ZC3H13: variants seen among roughly 807,000 people sequenced by gnomAD.
ZC3H13 encodes zinc finger CCCH domain-containing protein 13.
ZC3H13 carries 64 observed loss-of-function variants against 204.1 expected under a neutral mutation model. The ratio of observed to expected loss-of-function variants is 0.31; its 90% confidence interval spans 0.26 to 0.39. ZC3H13 has a LOEUF of 0.39. Among genes scored for constraint, ZC3H13 ranks in the 10% least tolerant of loss-of-function variants. The pLI, the probability that ZC3H13 is intolerant of heterozygous loss-of-function variation, is 1.00. For missense variants in ZC3H13, 1,833 were observed against 2,082.7 expected, an observed-to-expected ratio of 0.88 and a Z score of 2.33; for synonymous variants, 667 against 693.7, an observed-to-expected ratio of 0.96 and a Z score of 0.60.
intron 4 of ZC3H13, among the ~76,000 whole-genome samples, chr13:46,041,437 GA>G (rs1042659864): frequency 3.9e-5 from 6 of 152,064 alleles, no homozygotes; most frequent in Non-Finnish European, 7.4e-5. Flanking sequence ...GGCGACTGCT[GA>G]AAAGTTTGGC....
intron 17 of ZC3H13, chr13:45,962,989 CA>C (rs1321577973): frequency 3.0e-6 from 3 of 985,412 alleles, no homozygotes; most frequent in Non-Finnish European, 3.6e-6. Context: ...AAAATTGCTG[CA>C]GTGAGGTCAA....
chr13:45,980,153 T>G, intron 10 of ZC3H13, 149 bp from the exon 11 acceptor site: 1 of 686,278 alleles, frequency 1.5e-6, no homozygotes. Flanking sequence ...TATCAAGCAA[T>G]GAATCAGAAC....
At chr13:46,047,219 G>C (rs2044030135) in intron 1 of ZC3H13, among the ~76,000 whole-genome samples, 1 of 152,080 alleles carries the variant, frequency 6.6e-6, no homozygotes, top group East Asian at 1.9e-4. Flanking sequence ...AAAAGATGGT[G>C]CATCAAGGAA....
In ZC3H13 at chr13:46,020,525, C is replaced by T; in HGVS notation, c.372G>A (p.Lys124=). The T allele has an allele frequency of 9.3e-6, 15 of 1,610,834 alleles. No individual in the cohort carries two copies. Among genetic ancestry groups the T allele is most frequent in the Non-Finnish European group, 1.3e-5 (15 of 1,178,626 alleles). Reference sequence around the variant, plus strand: ...TTTCCTTAGTGATTTTTATGTCTTCCTTTTCCCTATGTCTCCCTCTTGAAG... The same window carrying T: ...TTTCCTTAGTGATTTTTATGTCTTCTTTTTCCCTATGTCTCCCTCTTGAAG... The part of the protein sequence containing the change: ...KESSRGRHRE[K]EDIKITKERT... Residue 124 remains lysine, a synonymous_variant, in exon 5 of 19, where the codon AAG becomes AAA. Transcript: ENST00000679008.
At chr13:46,037,621 C>A (rs1025252567) in intron 4 of ZC3H13, among the ~76,000 whole-genome samples, 1 of 151,786 alleles carries the variant, frequency 6.6e-6, no homozygotes, top group Non-Finnish European at 1.5e-5. Flanking sequence ...GCAACTATTT[C>A]CTACTGACTA....
intron 5 of ZC3H13, among the ~76,000 whole-genome samples, chr13:46,018,102 A>T (rs1024604331): frequency 6.6e-6 from 1 of 152,172 alleles, no homozygotes; most frequent in African/African-American, 2.4e-5. Flanking sequence ...CTTGAACAGG[A>T]AGATACAAAA....
Position 46,011,410 on chromosome 13 carries a change from C to T in ZC3H13, c.588+5G>A, listed in dbSNP as rs759686589. ...CTAACATATTTATTGCAATAAATAG[C>T]ATACCTCCTTTTTAATGATAATTTC... On this transcript the variant is annotated splice_donor_5th_base_variant and intron_variant, in intron 6 of 18. Coordinates refer to ENST00000679008, the MANE Select transcript of ZC3H13 (RefSeq NM_001330564.2). The T allele has an allele frequency of 9.7e-5, 155 of 1,601,050 alleles. No individual in the cohort carries two copies. Among genetic ancestry groups the T allele is most frequent in the Non-Finnish European group, 1.2e-4 (145 of 1,175,440 alleles).
intron 9 of ZC3H13, among the ~76,000 whole-genome samples, chr13:45,988,334 T>G (rs1593555022): frequency 6.6e-6 from 1 of 152,174 alleles, no homozygotes; most frequent in Admixed American, 6.5e-5. Context: ...CTTGGCTCAC[T>G]GCAAGCTCCG....
At chr13:45,991,926 C>A (rs2039998368) in intron 8 of ZC3H13, among the ~76,000 whole-genome samples, 1 of 152,118 alleles carries the variant, frequency 6.6e-6, no homozygotes, top group Admixed American at 6.5e-5. Flanking sequence ...TAAAAACTCT[C>A]ATTCAAGATG....
In ZC3H13 at chr13:45,975,500, G is replaced by A; in HGVS notation, c.2251C>T (p.Arg751Ter). The A allele has an allele frequency of 6.2e-7, 1 of 1,607,190 alleles. No individual in the cohort carries two copies. Among genetic ancestry groups the A allele is most frequent in the Non-Finnish European group, 8.5e-7 (1 of 1,177,798 alleles). ...RERDREKERE[R>*]EREERERERE... is the part of the protein sequence containing the mutation. ...TCCCTCTCTCTCTCTTCTCTTTCTC[G>A]TTCCCGTTCTTTTTCCCTGTCTCGT... is the stretch of plus-strand genomic sequence containing the variant. The change falls in exon 12 of 19, where the codon CGA becomes TGA. Residue 751 changes from arginine to a stop codon, truncating the protein, a stop_gained. Coordinates refer to ENST00000679008, the MANE Select transcript of ZC3H13 (RefSeq NM_001330564.2). LOFTEE classifies it high-confidence loss of function.
intron 5 of ZC3H13, among the ~76,000 whole-genome samples, chr13:46,020,246 T>C (rs971393645): frequency 6.6e-5 from 10 of 152,096 alleles, no homozygotes; most frequent in Non-Finnish European, 1.2e-4. Flanking sequence ...AAAATAAAAA[T>C]ATGCAATGCA....
chr13:46,010,627 G>A (rs2138649654), intron 6 of ZC3H13, 122 bp from the exon 7 acceptor site: 1 of 1,002,304 alleles, frequency 1.0e-6, no homozygotes, highest in Non-Finnish European at 1.4e-6. Flanking sequence ...CGGGTGCAGT[G>A]GTTCACACCT....
intron 10 of ZC3H13, among the ~76,000 whole-genome samples, chr13:45,981,225 A>G (rs1250767867): frequency 6.6e-6 from 1 of 152,238 alleles, no homozygotes; most frequent in Non-Finnish European, 1.5e-5. Context: ...TACCATGGAT[A>G]AATCTTTGAC....
intron 17 of ZC3H13, chr13:45,962,246 GC>G: frequency 1.0e-6 from 1 of 985,290 alleles, no homozygotes. Context: ...CACCATAGCA[GC>G]AAAAATAGAA....
chr13:46,026,370 CCTA>C (rs1168977295), intron 4 of ZC3H13, among the ~76,000 whole-genome samples: 1 of 151,794 alleles, frequency 6.6e-6, no homozygotes, highest in Non-Finnish European at 1.5e-5. Flanking sequence ...GAGACAGAAA[CCTA>C]CTACTAAGAT....
At chr13:46,015,427 T>G (rs2138728053) in intron 5 of ZC3H13, among the ~76,000 whole-genome samples, 1 of 152,318 alleles carries the variant, frequency 6.6e-6, no homozygotes, top group Non-Finnish European at 1.5e-5. Context: ...AGTATTTTCT[T>G]TTACCATTTC....
intron 8 of ZC3H13, among the ~76,000 whole-genome samples, chr13:45,998,655 AAAAAT>A (rs1245965320): frequency 7.2e-5 from 11 of 152,264 alleles, no homozygotes; most frequent in Admixed American, 2.0e-4. Flanking sequence ...TCTCAAAAAA[AAAAAT>A]AAAAGTACAT....
At position 46,003,094 on chromosome 13, in the gene ZC3H13, A is replaced by G. The variant is rs764266656; in HGVS notation, c.944+45T>C. The G allele has an allele frequency of 3.8e-6, 6 of 1,579,358 alleles. No homozygotes were observed. In the African/African-American group the frequency reaches 8.2e-5, roughly 22 times the overall value. ...GGCTTCTGAAAAGTAAATATTCTAT[A>G]TTCTACAAAAGTTAATATTGTTAAA... On this transcript the variant is annotated intron_variant, in intron 8 of 18. Coordinates refer to ENST00000679008, the MANE Select transcript of ZC3H13 (RefSeq NM_001330564.2).
intron 8 of ZC3H13, among the ~76,000 whole-genome samples, chr13:46,002,144 A>G (rs2040796174): frequency 6.6e-6 from 1 of 152,232 alleles, no homozygotes; most frequent in Admixed American, 6.5e-5. Context: ...CGACAAGCAC[A>G]TGAAAGGATG....
Sources: allele counts gnomAD v4.1 joint callset (sites outside exome capture counted in the v4.1 genomes callset), GRCh38; gene constraint gnomAD v4.1.1; transcripts MANE v1.5; gene names NCBI Gene and HGNC (gene_info 2026-07-23, HGNC 2026-07-21).